AP4S1: variants seen among roughly 807,000 people sequenced by gnomAD.
AP4S1 encodes AP-4 complex subunit sigma-1.
A neutral mutation model predicts 19.8 loss-of-function variants in AP4S1; 23 were observed. The ratio of observed to expected loss-of-function variants is 1.16; its 90% confidence interval spans 0.84 to 1.65. The LOEUF (loss-of-function observed/expected upper bound fraction) is 1.65, where lower values mean the gene tolerates loss of function less well. Among genes scored for constraint, AP4S1 ranks in the 40% most tolerant of loss-of-function variants. The probability of loss-of-function intolerance (pLI) is 0.00; values close to 1 mark genes in which losing one functional copy is unlikely to be tolerated. For missense variants in AP4S1, 166 were observed against 172.8 expected (o/e 0.96, Z 0.22); for synonymous variants, 46 against 54.1 (o/e 0.85, Z 0.66).
intron 1 of AP4S1, among the ~76,000 whole-genome samples, chr14:31,029,920 T>C (rs1350623295): frequency 3.9e-5 from 6 of 152,016 alleles, no homozygotes; most frequent in African/African-American, 1.4e-4. Flanking sequence ...CTGAATTCTT[T>C]TGACTCACTA....
intron 4 of AP4S1, among the ~76,000 whole-genome samples, chr14:31,080,115 A>G (rs1033084547): frequency 2.0e-5 from 3 of 152,190 alleles, no homozygotes; most frequent in Non-Finnish European, 2.9e-5. Flanking sequence ...CCTCCTTGAT[A>G]GATATTTAGG....
intron 1 of AP4S1, among the ~76,000 whole-genome samples, chr14:31,049,362 C>A (rs1482030159): frequency 1.4e-5 from 2 of 141,332 alleles, no homozygotes; most frequent in Admixed American, 1.5e-4. Flanking sequence ...GGCAGTGAGC[C>A]GAGATCGCAC....
chr14:31,092,847 A>C, intron 5 of AP4S1, 60 bp from the exon 6 acceptor site: 1 of 1,349,692 alleles, frequency 7.4e-7, no homozygotes, highest in South Asian at 1.5e-5. Context: ...TTAAGCCATA[A>C]ATTTTTACTG....
intron 5 of AP4S1, among the ~76,000 whole-genome samples, chr14:31,087,472 T>A (rs538233944): frequency 1.3e-4 from 20 of 152,312 alleles, no homozygotes; most frequent in African/African-American, 4.3e-4. Flanking sequence ...TCCTCCTGCC[T>A]TAGCCTCCTG....
chr14:31,037,729 T>G (rs1182729339), intron 1 of AP4S1, among the ~76,000 whole-genome samples: 2 of 152,120 alleles, frequency 1.3e-5, no homozygotes, highest in African/African-American at 4.8e-5. Context: ...GTGGGAGGAT[T>G]GTTTGAGCCC....
rs1888128901 is a variant in AP4S1 at position 31,093,486 on chromosome 14, A to G, written c.*451A>G. 6.5e-6 allele frequency: 1 copy of G among 153,270 alleles called. No homozygotes were observed. 9.5% of individuals were successfully genotyped at this position (153,270 alleles called of 1,614,324 possible). On this transcript the variant is annotated 3_prime_UTR_variant, in exon 6 of 6. Transcript: ENST00000542754. Reference sequence around the variant, plus strand: ...AGCTATTTTTTTTTTTTTGAGACGGAGTCTAGTCTAGCTGTGTCACCTGGC... The same window carrying G: ...AGCTATTTTTTTTTTTTTGAGACGGGGTCTAGTCTAGCTGTGTCACCTGGC...
At chr14:31,037,760 G>A (rs960244934) in intron 1 of AP4S1, among the ~76,000 whole-genome samples, 4 of 152,134 alleles carry the variant, frequency 2.6e-5, no homozygotes, top group Admixed American at 1.3e-4. Flanking sequence ...ACCAGCCTGG[G>A]CAACACAGTG....
At chr14:31,073,452 T>G (rs549848053) in intron 4 of AP4S1, among the ~76,000 whole-genome samples, 2 of 144,202 alleles carry the variant, frequency 1.4e-5, no homozygotes, top group South Asian at 2.3e-4. Context: ...ATCCCGCCAC[T>G]GCACTCCAGC....
intron 5 of AP4S1, among the ~76,000 whole-genome samples, chr14:31,088,900 T>G (rs1482163354): frequency 6.6e-6 from 1 of 151,718 alleles, no homozygotes; most frequent in African/African-American, 2.4e-5. Flanking sequence ...CTCATGCTTG[T>G]AATTCCAGCA....
chr14:31,064,948 T>C (rs1594678634), intron 1 of AP4S1, among the ~76,000 whole-genome samples: 1 of 152,120 alleles, frequency 6.6e-6, no homozygotes, highest in East Asian at 1.9e-4. Context: ...AGCGAGGCCC[T>C]ATCTCAAAAA....
In AP4S1 at chr14:31,093,733, A is replaced by G. The variant is rs1672137432; in HGVS notation, c.*698A>G. ...AACGCTGGGATTACAGATGAGCCACAGTGCCTGACTTCTGAAGGCTGTCTT... is the reference window on the plus strand; with the variant it reads ...AACGCTGGGATTACAGATGAGCCACGGTGCCTGACTTCTGAAGGCTGTCTT... On this transcript the variant is annotated 3_prime_UTR_variant, in exon 6 of 6. Coordinates refer to ENST00000542754, the MANE Select transcript of AP4S1 (RefSeq NM_001128126.3). The G allele has an allele frequency of 6.6e-6, 1 of 152,176 alleles. No individual in the cohort carries two copies. Among genetic ancestry groups the G allele is most frequent in the African/African-American group, 2.4e-5 (1 of 41,428 alleles). The allele number at this position is 152,176 out of a possible 1,614,324, so 9.4% of individuals were successfully genotyped here.
chr14:31,064,440 G>A (rs1886607738), intron 1 of AP4S1, among the ~76,000 whole-genome samples: 1 of 152,040 alleles, frequency 6.6e-6, no homozygotes, highest in Admixed American at 6.6e-5. Flanking sequence ...TCCTGCCTCA[G>A]CCTTCTGAGT....
At chr14:31,078,617 A>T (rs1887486179) in intron 4 of AP4S1, among the ~76,000 whole-genome samples, 1 of 152,234 alleles carries the variant, frequency 6.6e-6, no homozygotes, top group Non-Finnish European at 1.5e-5. Flanking sequence ...AAAAGTGGGT[A>T]CAAGTACTAT....
intron 1 of AP4S1, among the ~76,000 whole-genome samples, chr14:31,054,003 T>A (rs1366666457): frequency 1.3e-5 from 2 of 152,134 alleles, no homozygotes; most frequent in Non-Finnish European, 2.9e-5. Context: ...ATGAGGGTAT[T>A]TTATATGTCT....
chr14:31,066,246 C>T lies in AP4S1; in HGVS notation c.50C>T (p.Ser17Phe). 6.2e-7 allele frequency: 1 copy of T among 1,614,002 alleles called. No homozygotes were observed. The highest frequency in any genetic ancestry group is 8.5e-7 in the Non-Finnish European group (1 of 1,179,940). ...MVNKQGQTRL[S>F]KYYEHVDINK... Reference sequence around the variant, plus strand: ...AATAAACAAGGGCAGACTCGACTTTCTAAGTACTATGAACATGTGGATATT... The same window carrying T: ...AATAAACAAGGGCAGACTCGACTTTTTAAGTACTATGAACATGTGGATATT... The change falls in exon 2 of 6, where the codon TCT (serine) becomes TTT (phenylalanine). Residue 17 changes from serine (S) to phenylalanine (F), a missense_variant. Physicochemically the swap from Ser to Phe is radical, Grantham distance 155 (BLOSUM62 -2). Coordinates refer to ENST00000542754, the MANE Select transcript of AP4S1 (RefSeq NM_001128126.3).
intron 1 of AP4S1, among the ~76,000 whole-genome samples, chr14:31,057,683 T>G (rs535330219): frequency 6.6e-4 from 100 of 152,138 alleles, no homozygotes; most frequent in Non-Finnish European, 1.3e-3. Context: ...TAGAGTACAG[T>G]GGTGCAGTCT....
At position 31,094,750 on chromosome 14, in the gene AP4S1, C is replaced by T. The variant is rs1345897828; in HGVS notation, c.*1715C>T. On this transcript the variant is annotated 3_prime_UTR_variant, in exon 6 of 6. Coordinates refer to ENST00000542754, the MANE Select transcript of AP4S1 (RefSeq NM_001128126.3). Reference sequence around the variant, plus strand: ...CAAAAAATAAATAGGTGTGATGGCTCATGCCTGTAATCCTAGTACTTTGGG... The same window carrying T: ...CAAAAAATAAATAGGTGTGATGGCTTATGCCTGTAATCCTAGTACTTTGGG... The T allele has an allele frequency of 1.3e-5, 2 of 152,440 alleles. No individual in the cohort carries two copies. The highest frequency in any genetic ancestry group is 2.1e-4 in the South Asian group (1 of 4,836). The allele number at this position is 152,440 out of a possible 1,614,324, so 9.4% of individuals were successfully genotyped here. A position where few individuals can be genotyped will look rare whatever the true frequency, so the allele number is the denominator to read the frequency against.
chr14:31,085,482 G>A lies in AP4S1; in HGVS notation c.306+4898G>A, dbSNP rs1206255869. The A allele has an allele frequency of 3.0e-6, 3 of 985,856 alleles. No homozygotes were observed. In the Admixed American group the frequency reaches 1.8e-4, roughly 61 times the overall value. 61.1% of individuals were successfully genotyped at this position (985,856 alleles called of 1,614,324 possible). A position where few individuals can be genotyped will look rare whatever the true frequency, so the allele number is the denominator to read the frequency against. ...ATCCGGAATGTTTTCTTGATTTAAA[G>A]ACATCTTTAGACCGGGCACAGTGGC... On this transcript the variant is annotated intron_variant, in intron 5 of 5. Coordinates refer to ENST00000542754, the MANE Select transcript of AP4S1 (RefSeq NM_001128126.3).
chr14:31,049,866 T>C (rs4981816), intron 1 of AP4S1, among the ~76,000 whole-genome samples: 135,619 of 151,952 alleles, frequency 0.89, 60,670 homozygotes, highest in South Asian at 0.93. Context: ...TCTCCCAAAG[T>C]ACTGGGATTA....
Sources: allele counts gnomAD v4.1 joint callset (sites outside exome capture counted in the v4.1 genomes callset), GRCh38; gene constraint gnomAD v4.1.1; transcripts MANE v1.5; gene names NCBI Gene and HGNC (gene_info 2026-07-23, HGNC 2026-07-21).